Variants in RESF1 observed in about 807,000 individuals in gnomAD.
The protein encoded by RESF1 is gonad expressed transcript.
Under a neutral mutation model 134.7 loss-of-function variants are expected in RESF1, and 65 were observed. That is an observed-to-expected ratio of 0.48 (90% CI 0.40 to 0.59). RESF1 has a LOEUF of 0.59. Ranked by LOEUF, RESF1 falls within the 20% of genes least tolerant of loss-of-function variation. RESF1 has a pLI of 0.00. For synonymous variants in RESF1, 762 were observed against 702.2 expected, an observed-to-expected ratio of 1.09 and a Z score of -1.35; for missense variants, 2,274 against 2,002.7, an observed-to-expected ratio of 1.14 and a Z score of -2.59.
At position 31,983,564 on chromosome 12, in the gene RESF1, T is replaced by C. The variant is rs752296309; in HGVS notation, c.2609T>C (p.Met870Thr). Residue 870 changes from methionine to threonine, a missense_variant, in exon 4 of 6, where the codon ATG (methionine) becomes ACG (threonine). Physicochemically the swap from Met to Thr is moderately conservative, Grantham distance 81 (BLOSUM62 -1). Coordinates refer to ENST00000312561, the MANE Select transcript of RESF1 (RefSeq NM_018169.4). ...NKLESAIHSP[M>T]NDQQISQESR... ...TTAGAGTCAGCTATCCATTCTCCTA[T>C]GAACGATCAGCAAATCTCACAGGAG... 12 of 1,614,126 alleles carry C rather than the reference T, an allele frequency of 7.4e-6. No homozygotes were observed. In the Admixed American group the frequency reaches 1.3e-4, roughly 18 times the overall value.
At chr12:31,961,242 A>G (rs551645711) in intron 2 of RESF1, among the ~76,000 whole-genome samples, 1 of 152,298 alleles carries the variant, frequency 6.6e-6, no homozygotes, top group African/African-American at 2.4e-5. Context: ...CCACTCTGGG[A>G]GGATGCTTCC....
At chr12:31,969,658 A>T (rs1251494705) in intron 2 of RESF1, among the ~76,000 whole-genome samples, 3 of 152,144 alleles carry the variant, frequency 2.0e-5, no homozygotes, top group African/African-American at 7.2e-5. Flanking sequence ...TTTGTTTTTG[A>T]GACGGAGTCT....
At position 31,981,636 on chromosome 12, in the gene RESF1, A is replaced by G. The variant is rs1401954067; in HGVS notation, c.681A>G (p.Pro227=). Reference sequence around the variant, plus strand: ...GTTACTCACCACAAAGCTTTTTACCAGATTCTACCATTCAAAAACAAAACT... The same window carrying G: ...GTTACTCACCACAAAGCTTTTTACCGGATTCTACCATTCAAAAACAAAACT... The part of the protein sequence containing the change: ...LYRYSPQSFL[P]DSTIQKQNFI... The change falls in exon 4 of 6, where the codon CCA becomes CCG. Residue 227 remains proline, a synonymous_variant. Transcript: ENST00000312561. The G allele has an allele frequency of 1.2e-6, 2 of 1,613,982 alleles. No individual in the cohort carries two copies. The highest frequency in any genetic ancestry group is 2.2e-5 in the East Asian group (1 of 44,904).
At chr12:31,989,994 T>C (rs575253495) in intron 5 of RESF1, among the ~76,000 whole-genome samples, 1 of 152,196 alleles carries the variant, frequency 6.6e-6, no homozygotes, top group Admixed American at 6.5e-5. Flanking sequence ...GGGAAAACAA[T>C]GCCTCTCGGG....
At chr12:31,968,822 C>A (rs144198517) in intron 2 of RESF1, among the ~76,000 whole-genome samples, 2 of 152,342 alleles carry the variant, frequency 1.3e-5, no homozygotes, top group African/African-American at 4.8e-5. Flanking sequence ...TAGACATTAT[C>A]TACATGCATG....
chr12:31,980,813 T>A, intron 3 of RESF1, 65 bp from the exon 4 acceptor site: 1 of 619,474 alleles, frequency 1.6e-6, no homozygotes, highest in Non-Finnish European at 2.7e-6. Flanking sequence ...AGTCAGCTAC[T>A]AATTTTCTTA....
At chr12:31,986,908 T>C (rs10771896) in intron 4 of RESF1, among the ~76,000 whole-genome samples, 36,526 of 152,078 alleles carry the variant, frequency 0.24, 4,424 homozygotes, top group Non-Finnish European at 0.26. Context: ...ATCCTTGGAA[T>C]TTGAGGTGGG....
Position 31,984,361 on chromosome 12 carries a change from AAAG to A in RESF1, c.3411_3413del (p.Glu1138del). ...AGTAGACAAGTTGGCAGAACCTCAG[AAAG>A]AAGAGCCCATCACAGAAGTAGTTAG... On this transcript the variant is annotated inframe_deletion, in exon 4 of 6. Transcript: ENST00000312561. 6.2e-7 allele frequency: 1 copy of A among 1,614,170 alleles called. No individual in the cohort carries two copies.
In RESF1 at chr12:31,981,390, CGTACCCAAT is replaced by C. The variant is rs774671225; in HGVS notation, c.436_444del (p.Val146_Asn148del). 40 of 1,613,950 alleles carry C rather than the reference CGTACCCAAT, an allele frequency of 2.5e-5. No individual in the cohort carries two copies. Among genetic ancestry groups the C allele is most frequent in the Non-Finnish European group, 3.0e-5 (35 of 1,180,006 alleles). On this transcript the variant is annotated inframe_deletion, in exon 4 of 6. Coordinates refer to ENST00000312561, the MANE Select transcript of RESF1 (RefSeq NM_018169.4). The stretch of plus-strand genomic sequence containing the variant: ...CTCATCAAACTGATTTTGGAGCTAA[CGTACCCAAT>C]ATGCCGGCACTACAGAGTCAACTGA...
At position 31,992,953 on chromosome 12, in the gene RESF1, G is replaced by C. The variant is rs1295; in HGVS notation, c.*418G>C. The C allele has an allele frequency of 0.014, 2,306 of 166,970 alleles. 58 individuals carry two copies. The highest frequency in any genetic ancestry group is 0.052 in the African/African-American group (2,175 of 41,606). 10.3% of individuals were successfully genotyped at this position (166,970 alleles called of 1,614,324 possible). A position where few individuals can be genotyped will look rare whatever the true frequency, so the allele number is the denominator to read the frequency against. On this transcript the variant is annotated 3_prime_UTR_variant, in exon 6 of 6. Coordinates refer to ENST00000312561, the MANE Select transcript of RESF1 (RefSeq NM_018169.4). ...TTTTCAAAAATGCCCACTGTGATGT[G>C]AATGTCAAAATATATTCTTAAGTGT...
chr12:31,967,102 TG>T (rs1277736229), intron 2 of RESF1, among the ~76,000 whole-genome samples: 1 of 152,172 alleles, frequency 6.6e-6, no homozygotes, highest in African/African-American at 2.4e-5. Context: ...TTTACCACCT[TG>T]GGGGGTATAC....
At chr12:31,964,627 C>T (rs1055313676) in intron 2 of RESF1, among the ~76,000 whole-genome samples, 1 of 152,156 alleles carries the variant, frequency 6.6e-6, no homozygotes, top group Non-Finnish European at 1.5e-5. Flanking sequence ...GGTCTACATC[C>T]ATAGACACTT....
In RESF1 at chr12:31,967,302, G is replaced by C. The variant is rs111913298; in HGVS notation, c.-246-2887G>C. On this transcript the variant is annotated intron_variant, in intron 2 of 5. Coordinates refer to ENST00000312561, the MANE Select transcript of RESF1 (RefSeq NM_018169.4). ...CCCTTCTAACCACTGTGCTGCAAGA[G>C]GGAGGATTGCGAGTCTTTGTTAATT... Among the ~76,000 whole-genome samples, 375 of 152,318 alleles carry C rather than the reference G, an allele frequency of 2.5e-3. 2 individuals are homozygous for C. The highest frequency in any genetic ancestry group is 0.017 in the Middle Eastern group (5 of 294).
chr12:31,969,588 A>T (rs1939465221), intron 2 of RESF1, among the ~76,000 whole-genome samples: 1 of 152,156 alleles, frequency 6.6e-6, no homozygotes, highest in Non-Finnish European at 1.5e-5. Context: ...CCTACAGCAG[A>T]CCTGGCCACC....
At chr12:31,986,040 CT>C (rs35804480) in intron 4 of RESF1, 83 bp downstream of exon 4, 675,081 of 862,666 alleles carry the variant, frequency 0.78, 265,539 homozygotes, top group East Asian at 0.87. Flanking sequence ...CTCATGCTGT[CT>C]TGGGCTGCTG....
Position 31,992,567 on chromosome 12 carries a change from G to A in RESF1, c.*32G>A, listed in dbSNP as rs1214383707. On this transcript the variant is annotated 3_prime_UTR_variant, in exon 6 of 6. Coordinates refer to ENST00000312561, the MANE Select transcript of RESF1 (RefSeq NM_018169.4). The stretch of plus-strand genomic sequence containing the variant: ...GATGTGGTTTTGTAATTGCCACTGG[G>A]AAATTTCTTTCCTTTTCTGTTCAAA... The A allele has an allele frequency of 6.3e-7, 1 of 1,596,956 alleles. No individual in the cohort carries two copies. The highest frequency in any genetic ancestry group is 1.7e-5 in the Admixed American group (1 of 58,040).
chr12:31,970,824 C>T (rs1277279132), intron 3 of RESF1, among the ~76,000 whole-genome samples: 1 of 152,154 alleles, frequency 6.6e-6, no homozygotes, highest in Non-Finnish European at 1.5e-5. Context: ...GTATTGTATC[C>T]TCCAACGAAA....
intron 2 of RESF1, among the ~76,000 whole-genome samples, chr12:31,963,996 C>T (rs1371416744): frequency 1.3e-5 from 2 of 152,186 alleles, no homozygotes; most frequent in Non-Finnish European, 2.9e-5. Flanking sequence ...TATGATCATT[C>T]ATAGTGTTTA....
At position 31,984,764 on chromosome 12, in the gene RESF1, C is replaced by T. The variant is rs1348979134; in HGVS notation, c.3809C>T (p.Thr1270Ile). 8 of 1,612,278 alleles carry T rather than the reference C, an allele frequency of 5.0e-6. No homozygotes were observed. Among genetic ancestry groups the T allele is most frequent in the Non-Finnish European group, 6.8e-6 (8 of 1,179,634 alleles). ...ACAAAACATAAAAGCTTACCAAGGA[C>T]AGAACAAGAATTAGTTGCTGGTCAG... ...PKTKHKSLPR[T>I]EQELVAGQFS... is the part of the protein sequence containing the mutation. The change falls in exon 4 of 6, where the codon ACA (threonine) becomes ATA (isoleucine). Residue 1270 changes from threonine to isoleucine, a missense_variant. Thr to Ile is a moderately conservative substitution (Grantham distance 89). Transcript: ENST00000312561.
Sources: allele counts gnomAD v4.1 joint callset (sites outside exome capture counted in the v4.1 genomes callset), GRCh38; gene constraint gnomAD v4.1.1; transcripts MANE v1.5; gene names NCBI Gene and HGNC (gene_info 2026-07-23, HGNC 2026-07-21).